MACROD2: variants seen among roughly 807,000 people sequenced by gnomAD.
The protein encoded by MACROD2 is ADP-ribose glycohydrolase MACROD2.
Under a neutral mutation model 70.4 loss-of-function variants are expected in MACROD2, and 36 were observed. That is an observed-to-expected ratio of 0.51 (90% CI 0.39 to 0.68). The LOEUF (loss-of-function observed/expected upper bound fraction) is 0.68, where lower values mean the gene tolerates loss of function less well. Ranked by LOEUF, MACROD2 falls within the 30% of genes least tolerant of loss-of-function variation. The pLI is 0.00. For synonymous variants in MACROD2, 172 were observed against 178.8 expected, an observed-to-expected ratio of 0.96 and a Z score of 0.30; for missense variants, 496 against 538.4, an observed-to-expected ratio of 0.92 and a Z score of 0.78.
intron 8 of MACROD2, among the ~76,000 whole-genome samples, chr20:15,712,611 G>C (rs764178061): frequency 1.7e-4 from 26 of 152,096 alleles, no homozygotes; most frequent in Non-Finnish European, 2.8e-4. Flanking sequence ...GCTTTATTTT[G>C]TCATCCAAGC....
At chr20:15,669,977 A>G (rs1477262103) in intron 8 of MACROD2, among the ~76,000 whole-genome samples, 1 of 152,208 alleles carries the variant, frequency 6.6e-6, no homozygotes, top group South Asian at 2.1e-4. Context: ...ACAACAGCCT[A>G]GAAGTCAGTA....
chr20:14,360,964 T>C (rs1472527293), intron 3 of MACROD2, among the ~76,000 whole-genome samples: 2 of 152,136 alleles, frequency 1.3e-5, no homozygotes, highest in African/African-American at 4.8e-5. Context: ...AGCTGCCGAG[T>C]CAAGATCTGA....
chr20:14,545,035 A>AGATGAT (rs1018993964), intron 4 of MACROD2, among the ~76,000 whole-genome samples: 1 of 152,198 alleles, frequency 6.6e-6, no homozygotes, highest in African/African-American at 2.4e-5. Context: ...GTATCTGTCC[A>AGATGAT]GATGATGATG....
intron 5 of MACROD2, among the ~76,000 whole-genome samples, chr20:15,021,078 A>C (rs1297153363): frequency 3.7e-5 from 5 of 133,550 alleles, no homozygotes; most frequent in Non-Finnish European, 1.7e-5. Context: ...ACATGTGTGT[A>C]TGTGTATACA....
intron 3 of MACROD2, among the ~76,000 whole-genome samples, chr20:14,099,766 A>C (rs191740058): frequency 6.6e-6 from 1 of 152,164 alleles, no homozygotes; most frequent in African/African-American, 2.4e-5. Context: ...TTCACTTTAT[A>C]CTTCCAATAG....
At chr20:15,552,567 C>T (rs1481527215) in intron 8 of MACROD2, 1 of 152,266 alleles carries the variant, frequency 6.6e-6, no homozygotes, top group East Asian at 1.9e-4. Context: ...CTGCAGCCTT[C>T]ATGGACAGTT....
intron 3 of MACROD2, among the ~76,000 whole-genome samples, chr20:14,273,569 A>G (rs1259062670): frequency 1.4e-5 from 2 of 146,826 alleles, no homozygotes; most frequent in African/African-American, 5.0e-5. Flanking sequence ...ACACCCTAAC[A>G]TCACAATTAA....
chr20:14,123,464 C>A (rs532316603), intron 3 of MACROD2, among the ~76,000 whole-genome samples: 1 of 152,140 alleles, frequency 6.6e-6, no homozygotes, highest in Non-Finnish European at 1.5e-5. Context: ...GTAGGGAAGA[C>A]AACTAAGACC....
intron 3 of MACROD2, among the ~76,000 whole-genome samples, chr20:14,176,917 C>A (rs2081267237): frequency 6.6e-6 from 1 of 152,136 alleles, no homozygotes; most frequent in Admixed American, 6.5e-5. Flanking sequence ...GAGCTTAAAT[C>A]AATAACCATT....
intron 6 of MACROD2, among the ~76,000 whole-genome samples, chr20:15,238,594 T>C (rs2145999871): frequency 6.6e-6 from 1 of 152,280 alleles, no homozygotes; most frequent in African/African-American, 2.4e-5. Context: ...TATATTGTCA[T>C]ATATTTCCTT....
At chr20:14,004,581 CTT>C (rs2052785028) in intron 2 of MACROD2, among the ~76,000 whole-genome samples, 1 of 151,972 alleles carries the variant, frequency 6.6e-6, no homozygotes, top group South Asian at 2.1e-4. Context: ...TTTCATATGA[CTT>C]TTTCTTGTGT....
intron 3 of MACROD2, among the ~76,000 whole-genome samples, chr20:14,174,630 C>T (rs2081248848): frequency 6.6e-6 from 1 of 152,200 alleles, no homozygotes; most frequent in Admixed American, 6.5e-5. Context: ...TCATGCCTCC[C>T]CACCTGCCAT....
chr20:14,531,929 G>T (rs527669170), intron 4 of MACROD2, among the ~76,000 whole-genome samples: 19 of 152,234 alleles, frequency 1.2e-4, no homozygotes, highest in African/African-American at 4.6e-4. Flanking sequence ...CCTTATAAAA[G>T]CTGTGCTTCC....
chr20:15,594,191 G>T (rs919362690), intron 8 of MACROD2, among the ~76,000 whole-genome samples: 1 of 152,074 alleles, frequency 6.6e-6, no homozygotes, highest in Non-Finnish European at 1.5e-5. Context: ...ACACAAATAT[G>T]GTTGCACTAA....
chr20:15,622,183 T>G (rs1177785924), intron 8 of MACROD2, among the ~76,000 whole-genome samples: 4 of 152,226 alleles, frequency 2.6e-5, no homozygotes, highest in Non-Finnish European at 5.9e-5. Context: ...GGCTAATGGT[T>G]CATAGTCTCA....
At chr20:15,312,959 C>T (rs2077769321) in intron 6 of MACROD2, among the ~76,000 whole-genome samples, 1 of 152,052 alleles carries the variant, frequency 6.6e-6, no homozygotes, top group African/African-American at 2.4e-5. Flanking sequence ...TACATGTATT[C>T]ATCTATCTAT....
intron 5 of MACROD2, among the ~76,000 whole-genome samples, chr20:14,947,852 G>A (rs1387274912): frequency 1.3e-5 from 2 of 152,128 alleles, no homozygotes; most frequent in African/African-American, 4.8e-5. Context: ...TCAACCTTGG[G>A]CAATGCTTCT....
At chr20:14,311,071 G>A (rs549193290) in intron 3 of MACROD2, among the ~76,000 whole-genome samples, 4 of 152,044 alleles carry the variant, frequency 2.6e-5, no homozygotes, top group South Asian at 2.1e-4. Flanking sequence ...TTTAAAATAC[G>A]TTTAGTGTAG....
chr20:14,953,229 A>G (rs1009863037), intron 5 of MACROD2, among the ~76,000 whole-genome samples: 2 of 152,272 alleles, frequency 1.3e-5, no homozygotes, highest in Admixed American at 1.3e-4. Context: ...CCTTTCCATA[A>G]AGTGTGAAAG....
Sources: allele counts gnomAD v4.1 joint callset (sites outside exome capture counted in the v4.1 genomes callset), GRCh38; gene constraint gnomAD v4.1.1; transcripts MANE v1.5; gene names NCBI Gene and HGNC (gene_info 2026-07-23, HGNC 2026-07-21).